The following ATF7 variants were observed in gnomAD, a reference collection of about 807,000 sequenced individuals.
ATF7 encodes the protein activating transcription factor 7, also known as cyclic AMP-dependent transcription factor ATF-7.
Under a neutral mutation model 50.4 loss-of-function variants are expected in ATF7, and 10 were observed. The observed-to-expected ratio is 0.20, with a 90% CI of 0.12 to 0.34. The LOEUF is 0.34. ATF7 is among the 10% of genes least tolerant of loss of function. The pLI is 1.00. For synonymous variants in ATF7, 201 were observed against 226.4 expected, an observed-to-expected ratio of 0.89 and a Z score of 1.01; for missense variants, 465 against 613.9, an observed-to-expected ratio of 0.76 and a Z score of 2.56.
At position 53,556,452 on chromosome 12, in the gene ATF7, G is replaced by C. The variant is rs573686157; in HGVS notation, c.49-3815C>G. The stretch of plus-strand genomic sequence containing the variant: ...CAATTCTTATCTTATATGCCTAGGG[G>C]GAGAATAAAAGTTTACTGAAGCTTT... On this transcript the variant is annotated intron_variant, in intron 2 of 11. Transcript: ENST00000420353. Among the ~76,000 whole-genome samples, 30 of 152,112 alleles carry C rather than the reference G, an allele frequency of 2.0e-4. 1 individual carries two copies. Among genetic ancestry groups the C allele is most frequent in the Non-Finnish European group, 4.4e-5 (3 of 68,016 alleles).
At chr12:53,571,243 A>AG (rs1565964140) in intron 2 of ATF7, among the ~76,000 whole-genome samples, 1 of 152,094 alleles carries the variant, frequency 6.6e-6, no homozygotes, top group Admixed American at 6.6e-5. Flanking sequence ...GAGCCTTCTC[A>AG]GGAGGATACG....
intron 1 of ATF7, among the ~76,000 whole-genome samples, chr12:53,618,330 A>G (rs1051414154): frequency 6.6e-6 from 1 of 152,224 alleles, no homozygotes; most frequent in Non-Finnish European, 1.5e-5. Flanking sequence ...AGGAGAATTC[A>G]TAACTAATGC....
At chr12:53,578,341 C>A in intron 2 of ATF7, among the ~76,000 whole-genome samples, 1 of 139,076 alleles carries the variant, frequency 7.2e-6, no homozygotes, top group Admixed American at 7.9e-5. Context: ...GCACTCTAGC[C>A]TGGGCAACAC....
intron 1 of ATF7, among the ~76,000 whole-genome samples, chr12:53,623,604 C>T (rs1046253513): frequency 1.3e-5 from 2 of 152,182 alleles, no homozygotes; most frequent in Admixed American, 6.5e-5. Context: ...TAGACATTTA[C>T]GTGGAGTTCT....
chr12:53,547,579 CTTGG>C (rs1211826820), intron 3 of ATF7, among the ~76,000 whole-genome samples: 1 of 151,898 alleles, frequency 6.6e-6, no homozygotes, highest in East Asian at 1.9e-4. Context: ...AGCCACCACA[CTTGG>C]TCATTTTCTT....
intron 1 of ATF7, among the ~76,000 whole-genome samples, chr12:53,605,981 C>T (rs1943585355): frequency 6.6e-6 from 1 of 152,140 alleles, no homozygotes. Context: ...GTATTTAAGG[C>T]TACACATATT....
rs1942530255 is a variant in ATF7 at position 53,583,460 on chromosome 12, T to G, written c.48+17493A>C. 2.0e-5 allele frequency among the ~76,000 whole-genome samples: 3 copies of G among 151,928 alleles called. No individual in the cohort carries two copies. In the South Asian group the frequency reaches 6.2e-4, roughly 32 times the overall value. ...GGCTCCCACTGATTCTACATTATGG[T>G]GAGTTGTATAATTATTTCACTATTA... On this transcript the variant is annotated intron_variant, in intron 2 of 11. Transcript: ENST00000420353.
At chr12:53,614,121 C>A (rs1191057384) in intron 1 of ATF7, among the ~76,000 whole-genome samples, 2 of 152,112 alleles carry the variant, frequency 1.3e-5, no homozygotes, top group African/African-American at 4.8e-5. Flanking sequence ...CTGGAAGCAG[C>A]TTCATACAGG....
chr12:53,610,080 G>C (rs1252494990), intron 1 of ATF7, among the ~76,000 whole-genome samples: 2 of 151,956 alleles, frequency 1.3e-5, no homozygotes, highest in Non-Finnish European at 1.5e-5. Flanking sequence ...GCCTCCCAAA[G>C]TGCTGGGATT....
In ATF7 at chr12:53,524,574, A is replaced by C. The variant is rs370788955; in HGVS notation, c.1115T>G (p.Ile372Ser). The C allele has an allele frequency of 5.3e-5, 86 of 1,613,762 alleles. No homozygotes were observed. Among genetic ancestry groups the C allele is most frequent in the Non-Finnish European group, 7.0e-5 (83 of 1,179,904 alleles). The change falls in exon 10 of 12, where the codon ATT becomes AGT. Residue 372 changes from isoleucine (I) to serine (S), a missense_variant. Transcript: ENST00000420353. This position sits in a 1 kb window ranked among gnomAD's most constrained non-coding sequence, Gnocchi z 4.6. ...KKAEELTSQN[I>S]QLSNEVTLLR... The stretch of plus-strand genomic sequence containing the variant: ...CCAGGACCCACTCACACTCAGCTGA[A>C]TGTTCTGAGAAGTGAGTTCTTCGGC...
Position 53,524,819 on chromosome 12 carries a change from A to G in ATF7, c.928-58T>C. On this transcript the variant is annotated intron_variant, in intron 9 of 11. Coordinates refer to ENST00000420353, the MANE Select transcript of ATF7 (RefSeq NM_006856.3). The surrounding 1 kb of genome is among the most constrained non-coding windows in gnomAD (Gnocchi z 4.6). ...TGGGAACATTAATCCTTTCCAAATC[A>G]CACCTGATGTTAGGTAGAGTAGTAA... 7.1e-7 allele frequency: 1 copy of G among 1,409,912 alleles called. No homozygotes were observed. Among genetic ancestry groups the G allele is most frequent in the Non-Finnish European group, 9.5e-7 (1 of 1,053,894 alleles). The allele number at this position is 1,409,912 out of a possible 1,614,324, so 87.3% of individuals were successfully genotyped here.
intron 3 of ATF7, among the ~76,000 whole-genome samples, chr12:53,545,321 T>C (rs1402938556): frequency 2.0e-5 from 3 of 152,132 alleles, no homozygotes; most frequent in Admixed American, 6.5e-5. Flanking sequence ...AGTAAGTGTT[T>C]GTTTTGTTTT....
At chr12:53,617,628 C>CA (rs111717623) in intron 1 of ATF7, among the ~76,000 whole-genome samples, 2 of 151,778 alleles carry the variant, frequency 1.3e-5, no homozygotes, top group African/African-American at 4.8e-5. Context: ...GACTATGTCT[C>CA]AAAAAAAATT....
At chr12:53,609,698 C>T (rs1000003316) in intron 1 of ATF7, among the ~76,000 whole-genome samples, 4 of 150,956 alleles carry the variant, frequency 2.6e-5, no homozygotes, top group African/African-American at 9.8e-5. Flanking sequence ...AATTATTTAG[C>T]ATAATAATAG....
intron 3 of ATF7, among the ~76,000 whole-genome samples, chr12:53,546,273 A>G (rs1009188402): frequency 1.3e-5 from 2 of 151,818 alleles, no homozygotes; most frequent in African/African-American, 4.8e-5. Context: ...CTGTGATCCT[A>G]GTTTTTTCAG....
At chr12:53,588,932 C>T (rs769639082) in intron 2 of ATF7, among the ~76,000 whole-genome samples, 2 of 148,544 alleles carry the variant, frequency 1.3e-5, no homozygotes, top group Admixed American at 1.3e-4. Flanking sequence ...GAATTTACAC[C>T]TTTTTTTTTT....
intron 2 of ATF7, among the ~76,000 whole-genome samples, chr12:53,591,542 C>A (rs538713095): frequency 6.6e-6 from 1 of 152,194 alleles, no homozygotes; most frequent in Non-Finnish European, 1.5e-5. Flanking sequence ...GGCATACTTA[C>A]GAGTATCACC....
At chr12:53,538,799 A>G (rs576821503) in intron 4 of ATF7, among the ~76,000 whole-genome samples, 1 of 152,270 alleles carries the variant, frequency 6.6e-6, no homozygotes, top group South Asian at 2.1e-4. Context: ...AGATAATGTG[A>G]TATCTACTAC....
chr12:53,542,152 G>A (rs1471966297), intron 4 of ATF7, among the ~76,000 whole-genome samples: 7 of 140,986 alleles, frequency 5.0e-5, no homozygotes, highest in African/African-American at 1.8e-4. Flanking sequence ...CGGGCCAGGC[G>A]TGGTGGTTTA....
Sources: gnomAD v4.1 joint callset for allele counts (sites outside exome capture counted in the v4.1 genomes callset) on GRCh38, gnomAD v4.1.1 for gene constraint, Gnocchi (gnomAD v3.1) non-coding constraint, MANE v1.5 for transcripts, NCBI Gene and HGNC (gene_info 2026-07-23, HGNC 2026-07-21) for gene names.